TLE3: variants seen among roughly 807,000 people sequenced by gnomAD.
The protein encoded by TLE3 is TLE family member 3, transcriptional corepressor.
In TLE3, 14 loss-of-function variants were observed where a neutral mutation model predicts 93.0. The ratio of observed to expected loss-of-function variants is 0.15; its 90% CI spans 0.10 to 0.24. The LOEUF (loss-of-function observed/expected upper bound fraction) is 0.24, where lower values mean the gene tolerates loss of function less well. Among genes scored for constraint, TLE3 ranks in the 10% least tolerant of loss-of-function variants. The pLI is 1.00. For synonymous variants in TLE3, 451 were observed against 425.0 expected (o/e 1.06, Z -0.75); for missense variants, 693 against 1,046.6 (o/e 0.66, Z 4.66).
rs1321728911 is a variant in TLE3 at position 70,066,814 on chromosome 15, G to A, written c.373-596C>T. 5 of 210,530 alleles carry A rather than the reference G, an allele frequency of 2.4e-5. 1 individual carries two copies. Among genetic ancestry groups the A allele is most frequent in the South Asian group, 2.0e-4 (4 of 20,358 alleles). 13.0% of individuals were successfully genotyped at this position (210,530 alleles called of 1,614,324 possible). A position where few individuals can be genotyped will look rare whatever the true frequency, so the allele number is the denominator to read the frequency against. On this transcript the variant is annotated intron_variant, in intron 6 of 19. Coordinates refer to ENST00000451782, the MANE Select transcript of TLE3 (RefSeq NM_001105192.3). ...TCACCGGACATCAGTGGTGGAAAAC[G>A]GGGTAACTGGAAGAGTGGAGGCTTT...
At chr15:70,059,872 A>G (rs4777229) in intron 9 of TLE3, among the ~76,000 whole-genome samples, 143,020 of 152,302 alleles carry the variant, frequency 0.94, 67,854 homozygotes, top group East Asian at 1. Context: ...TGTGTGGGAT[A>G]GTAACTTGCC....
intron 12 of TLE3, 154 bp from the exon 13 acceptor site, chr15:70,057,812 A>C (rs1422193310): frequency 1.1e-6 from 1 of 950,490 alleles, no homozygotes; most frequent in African/African-American, 1.6e-5. Flanking sequence ...CCCTGCCTTC[A>C]GAGCCAAAGA....
rs774677605 is a variant in TLE3, at chr15:70,056,279, A to G, written c.1328+19T>C. 1.2e-6 allele frequency: 2 copies of G among 1,612,720 alleles called. No individual in the cohort carries two copies. The highest frequency in any genetic ancestry group is 1.7e-6 in the Non-Finnish European group (2 of 1,179,160). ...CTGCCCACCCTACAAAGCATGCAGT[A>G]AGTATAGCCAAAGCTTACGGTTTTC... is the stretch of plus-strand genomic sequence containing the variant. On this transcript the variant is annotated intron_variant, in intron 14 of 19. Coordinates refer to ENST00000451782, the MANE Select transcript of TLE3 (RefSeq NM_001105192.3).
intron 6 of TLE3, among the ~76,000 whole-genome samples, chr15:70,072,523 C>G (rs1359368195): frequency 6.6e-6 from 1 of 152,194 alleles, no homozygotes; most frequent in African/African-American, 2.4e-5. Flanking sequence ...CACCACCAAG[C>G]TGAGAGCTGG....
chr15:70,054,832 C>T (rs1022677899), intron 15 of TLE3, 147 bp from the exon 16 acceptor site: 3 of 1,274,148 alleles, frequency 2.4e-6, no homozygotes, highest in Non-Finnish European at 3.2e-6. Flanking sequence ...CCCCATTCCT[C>T]AAATTCACAA....
At chr15:70,051,265 C>G (rs887599858) in intron 19 of TLE3, 126 bp downstream of exon 19, 27 of 909,912 alleles carry the variant, frequency 3.0e-5, no homozygotes, top group Non-Finnish European at 2.4e-5. Context: ...GGGAGGGGAC[C>G]AGGGCAGGTC....
At chr15:70,095,494 G>A (rs2058510421) in intron 3 of TLE3, 84 bp downstream of exon 3, 4 of 1,547,290 alleles carry the variant, frequency 2.6e-6, no homozygotes, top group Non-Finnish European at 2.6e-6. Flanking sequence ...GTGGGGACCT[G>A]GCGCTCATCT....
At chr15:70,062,270 G>C (rs1357463741) in intron 8 of TLE3, among the ~76,000 whole-genome samples, 1 of 152,204 alleles carries the variant, frequency 6.6e-6, no homozygotes, top group Non-Finnish European at 1.5e-5. Context: ...GCAATCGCCG[G>C]CAGAAAAATC....
chr15:70,056,139 C>A, intron 14 of TLE3, 159 bp downstream of exon 14: 1 of 791,598 alleles, frequency 1.3e-6, no homozygotes, highest in South Asian at 1.5e-5. Flanking sequence ...GGGGTTGCAA[C>A]CAGCCCTCGG....
intron 4 of TLE3, among the ~76,000 whole-genome samples, chr15:70,081,187 C>T (rs923623933): frequency 5.3e-5 from 8 of 152,296 alleles, no homozygotes; most frequent in South Asian, 2.1e-4. Context: ...GCATTAATTT[C>T]GTTGTCTGCA....
chr15:70,094,486 A>G, intron 4 of TLE3, 46 bp downstream of exon 4: 1 of 1,421,458 alleles, frequency 7.0e-7, no homozygotes, highest in Non-Finnish European at 9.5e-7. Flanking sequence ...CACATATATA[A>G]GTTTTTAAAA....
In TLE3 at chr15:70,050,106, G is replaced by T. The variant is rs765464737; in HGVS notation, c.2301C>A (p.Val767=). ...SGDKKATVYE[V]IY ...CTGCTGGAGTTCTTGTTTAGTAGAT[G>T]ACCTCATAAACTGTGGCCTTCTTGT... The change falls in exon 20 of 20, where the codon GTC becomes GTA. Residue 767 remains valine (V), a synonymous_variant. Coordinates refer to ENST00000451782, the MANE Select transcript of TLE3 (RefSeq NM_001105192.3). 1 of 1,612,794 alleles carries T rather than the reference G, an allele frequency of 6.2e-7. No homozygotes were observed. The highest frequency in any genetic ancestry group is 1.1e-5 in the South Asian group (1 of 91,026).
intron 4 of TLE3, among the ~76,000 whole-genome samples, chr15:70,082,646 C>T (rs1567041268): frequency 6.6e-6 from 1 of 152,178 alleles, no homozygotes; most frequent in Admixed American, 6.5e-5. Flanking sequence ...ATTCTTTATG[C>T]TGGGAGGACT....
At position 70,094,023 on chromosome 15, in the gene TLE3, A is replaced by T. The variant is rs139215499; in HGVS notation, c.234+509T>A. ...TGAAGTTGTATTTCATTCTGGCTTC[A>T]TATTTTTAAGCAGTTAGTGGCTTCG... On this transcript the variant is annotated intron_variant, in intron 4 of 19. Transcript: ENST00000451782. Among the ~76,000 whole-genome samples, 53 of 152,278 alleles carry T rather than the reference A, an allele frequency of 3.5e-4. No individual in the cohort carries two copies. The East Asian group carries it at 9.3e-3, about 27-fold the overall frequency.
At chr15:70,061,691 G>C (rs1005683199) in intron 8 of TLE3, among the ~76,000 whole-genome samples, 1 of 152,144 alleles carries the variant, frequency 6.6e-6, no homozygotes, top group African/African-American at 2.4e-5. Flanking sequence ...CTTTCTAAGA[G>C]TCCAAACTTT....
chr15:70,095,942 C>T (rs1472960409), intron 2 of TLE3: 5 of 666,242 alleles, frequency 7.5e-6, no homozygotes, highest in African/African-American at 1.8e-5. Flanking sequence ...GACCTAGACC[C>T]TCATTCGGGG....
chr15:70,060,488 C>G (rs375107865), intron 9 of TLE3, 42 bp downstream of exon 9: 2 of 1,610,874 alleles, frequency 1.2e-6, no homozygotes, highest in South Asian at 2.2e-5. Flanking sequence ...CCCTGCCCTA[C>G]CCAACAGAAA....
intron 5 of TLE3, 118 bp downstream of exon 5, chr15:70,075,978 T>C: frequency 1.1e-6 from 1 of 924,044 alleles, no homozygotes; most frequent in East Asian, 2.4e-5. Context: ...GCTCAGTCAG[T>C]ATGAATGGAC....
At chr15:70,054,859 G>C in intron 15 of TLE3, 174 bp from the exon 16 acceptor site, 1 of 1,218,948 alleles carries the variant, frequency 8.2e-7, no homozygotes, top group Non-Finnish European at 1.1e-6. Context: ...GATCTTTCAT[G>C]AATACCAGGA....
Sources: allele counts gnomAD v4.1 joint callset (sites outside exome capture counted in the v4.1 genomes callset), GRCh38; gene constraint gnomAD v4.1.1; transcripts MANE v1.5; gene names NCBI Gene and HGNC (gene_info 2026-07-23, HGNC 2026-07-21).